The following MON2 variants were observed in gnomAD, a reference collection of about 807,000 sequenced individuals.
MON2 encodes the protein protein MON2 homolog.
In MON2, 84 loss-of-function variants were observed where a neutral mutation model predicts 208.6. The ratio of observed to expected loss-of-function variants is 0.40; its 90% CI spans 0.34 to 0.48. MON2 has a LOEUF of 0.48. MON2 is among the 20% of genes least tolerant of loss of function. MON2 has a pLI of 0.59. For missense variants in MON2, 1,611 were observed against 2,015.4 expected (o/e 0.80, Z 3.84); for synonymous variants, 660 against 694.0 (o/e 0.95, Z 0.77).
chr12:62,501,473 T>TTATA (rs1190212034), intron 6 of MON2, 100 bp from the exon 7 acceptor site: 1 of 1,383,496 alleles, frequency 7.2e-7, no homozygotes, highest in Non-Finnish European at 9.9e-7. Flanking sequence ...AAAACATGTA[T>TTATA]TATATAAGAA....
intron 30 of MON2, among the ~76,000 whole-genome samples, chr12:62,576,723 A>G (rs927066016): frequency 3.9e-5 from 6 of 151,990 alleles, no homozygotes; most frequent in South Asian, 4.1e-4. Flanking sequence ...TAAAAGCTCA[A>G]TCGATGTTTT....
At chr12:62,520,005 C>T (rs991223278) in intron 8 of MON2, among the ~76,000 whole-genome samples, 5 of 152,150 alleles carry the variant, frequency 3.3e-5, no homozygotes, top group South Asian at 4.1e-4. Context: ...TCAGTAGAGA[C>T]GGGGTTTCAC....
intron 8 of MON2, among the ~76,000 whole-genome samples, chr12:62,513,905 G>T: frequency 6.9e-6 from 1 of 145,652 alleles, no homozygotes; most frequent in South Asian, 2.2e-4. Flanking sequence ...AGCCGAGATC[G>T]CTCCACTGCA....
rs1018750082 is a variant in MON2 at position 62,597,161 on chromosome 12, T to C, written c.*4412T>C. ...TTGTTTGATAAATTTATTACTATATTGTAAGAGAGATCTTTGACCATTTTT... is the reference window on the plus strand; with the variant it reads ...TTGTTTGATAAATTTATTACTATATCGTAAGAGAGATCTTTGACCATTTTT... On this transcript the variant is annotated 3_prime_UTR_variant, in exon 35 of 35. Transcript: ENST00000393630. 5.3e-5 allele frequency: 8 copies of C among 152,244 alleles called. No homozygotes were observed. The highest frequency in any genetic ancestry group is 1.9e-4 in the African/African-American group (8 of 41,468). 9.4% of individuals were successfully genotyped at this position (152,244 alleles called of 1,614,324 possible).
Position 62,571,442 on chromosome 12 carries a change from A to T in MON2, c.4374A>T (p.Thr1458=), listed in dbSNP as rs559111582. 8.7e-6 allele frequency: 14 copies of T among 1,613,190 alleles called. No homozygotes were observed. The African/African-American group carries it at 9.3e-5, about 11-fold the overall frequency. The change falls in exon 30 of 35, where the codon ACA becomes ACT. Residue 1458 remains threonine, a synonymous_variant. Transcript: ENST00000393630. Reference sequence around the variant, plus strand: ...AGTATTCCTGCCCTTCTGAAAGCACATGGAAACTAGCAGTATCCTCTCTCC... The same window carrying T: ...AGTATTCCTGCCCTTCTGAAAGCACTTGGAAACTAGCAGTATCCTCTCTCC... The part of the protein sequence containing the change: ...SLKYSCPSES[T]WKLAVSSLLR...
At chr12:62,543,901 T>C (rs2073357933) in intron 20 of MON2, among the ~76,000 whole-genome samples, 1 of 152,078 alleles carries the variant, frequency 6.6e-6, no homozygotes, top group Non-Finnish European at 1.5e-5. Flanking sequence ...GAGCAACTGC[T>C]CCTGGCCTTG....
At position 62,526,069 on chromosome 12, in the gene MON2, C is replaced by G; in HGVS notation, c.1367C>G (p.Thr456Arg). The change falls in exon 11 of 35, where the codon ACA becomes AGA. Residue 456 changes from threonine (T) to arginine (R), a missense_variant. By Grantham distance (71) the Thr-to-Arg change is moderately conservative. Transcript: ENST00000393630. ...AGGGGAACCTGGATACCTATTCTGA[C>G]AATCACAGTTCAAGGCAGTGCTAAA... ...EYRGTWIPIL[T>R]ITVQGSAKAT... 6.2e-7 allele frequency: 1 copy of G among 1,613,836 alleles called. No individual in the cohort carries two copies. Among genetic ancestry groups the G allele is most frequent in the Non-Finnish European group, 8.5e-7 (1 of 1,179,798 alleles).
At chr12:62,523,504 A>G (rs2072174001) in intron 8 of MON2, among the ~76,000 whole-genome samples, 1 of 152,174 alleles carries the variant, frequency 6.6e-6, no homozygotes, top group Admixed American at 6.5e-5. Context: ...AGCAGTCTAA[A>G]TGATAATGTT....
Position 62,552,961 on chromosome 12 carries a change from G to A in MON2, c.2997G>A (p.Lys999=). 6.2e-7 allele frequency: 1 copy of A among 1,614,156 alleles called. No individual in the cohort carries two copies. Among genetic ancestry groups the A allele is most frequent in the Non-Finnish European group, 8.5e-7 (1 of 1,180,008 alleles). ...ATAAGGAAGAGGCAGCACAGCAAAAGCAGGCAGAAGAGAAAGGAGTTGTTT... is the reference window on the plus strand; with the variant it reads ...ATAAGGAAGAGGCAGCACAGCAAAAACAGGCAGAAGAGAAAGGAGTTGTTT... ...ELNKEEAAQQ[K]QAEEKGVVLN... The change falls in exon 24 of 35, where the codon AAG becomes AAA. Residue 999 remains lysine (K), a synonymous_variant. Transcript: ENST00000393630.
At chr12:62,584,345 T>A (rs528880550) in intron 32 of MON2, among the ~76,000 whole-genome samples, 6 of 152,246 alleles carry the variant, frequency 3.9e-5, no homozygotes, top group Admixed American at 1.3e-4. Context: ...TACTTCTCAT[T>A]GATTGTTTCT....
At position 62,560,537 on chromosome 12, in the gene MON2, A is replaced by G. The variant is rs758485088; in HGVS notation, c.3456A>G (p.Ser1152=). ...AWDVLLDHIQ[S]AALSKNNEVS... is the part of the protein sequence containing the mutation. ...ATGTTCTTCTTGACCATATACAGTCAGCAGCACTCAGCAAAAACAATGAAG... is the reference window on the plus strand; with the variant it reads ...ATGTTCTTCTTGACCATATACAGTCGGCAGCACTCAGCAAAAACAATGAAG... Residue 1152 remains serine, a synonymous_variant, in exon 26 of 35, where the codon TCA becomes TCG. Transcript: ENST00000393630. 2.5e-6 allele frequency: 4 copies of G among 1,613,762 alleles called. No individual in the cohort carries two copies. The African/African-American group carries it at 5.3e-5, about 22-fold the overall frequency.
chr12:62,477,837 T>C (rs1344542435), intron 1 of MON2, among the ~76,000 whole-genome samples: 1 of 152,236 alleles, frequency 6.6e-6, no homozygotes, highest in Non-Finnish European at 1.5e-5. Flanking sequence ...TCTCTAGAGC[T>C]ACTGAAAGAG....
chr12:62,500,800 G>T lies in MON2; in HGVS notation c.583G>T (p.Val195Leu). 2.5e-6 allele frequency: 4 copies of T among 1,591,736 alleles called. No homozygotes were observed. The highest frequency in any genetic ancestry group is 3.4e-6 in the Non-Finnish European group (4 of 1,167,602). ...GATTGCAGATATTATAGAACAACCAGTACTGGTACAAGGAAATAGTAACAG... is the reference window on the plus strand; with the variant it reads ...GATTGCAGATATTATAGAACAACCATTACTGGTACAAGGAAATAGTAACAG... Reference protein sequence around the residue: ...ERHRDIIEQPVLVQGNSNRRS... With the variant: ...ERHRDIIEQPLLVQGNSNRRS... Residue 195 changes from valine to leucine, a missense_variant, in exon 6 of 35, where the codon GTA (valine) becomes TTA (leucine). Val to Leu is a conservative substitution (Grantham distance 32). Transcript: ENST00000393630.
chr12:62,572,933 T>C (rs1361047777), intron 30 of MON2, among the ~76,000 whole-genome samples: 1 of 152,188 alleles, frequency 6.6e-6, no homozygotes, highest in Non-Finnish European at 1.5e-5. Context: ...ATGAATTAAC[T>C]GAAAAAAATT....
chr12:62,527,484 A>G (rs1344094822), intron 11 of MON2, among the ~76,000 whole-genome samples: 1 of 152,048 alleles, frequency 6.6e-6, no homozygotes, highest in Non-Finnish European at 1.5e-5. Context: ...TGCCTTGTAC[A>G]AAAGGTAATG....
At chr12:62,470,588 C>T (rs2068747682) in intron 1 of MON2, 1 of 288,322 alleles carries the variant, frequency 3.5e-6, no homozygotes, top group Non-Finnish European at 5.3e-6. Flanking sequence ...TGAAGCCTTC[C>T]ATGATCACTT....
intron 7 of MON2, among the ~76,000 whole-genome samples, chr12:62,502,056 C>A (rs573252846): frequency 4.6e-5 from 7 of 152,122 alleles, no homozygotes; most frequent in African/African-American, 1.7e-4. Flanking sequence ...CCTGTCTCTA[C>A]TAAAAATACA....
chr12:62,557,601 T>C (rs979253685), intron 25 of MON2, among the ~76,000 whole-genome samples: 2 of 152,206 alleles, frequency 1.3e-5, no homozygotes, highest in African/African-American at 4.8e-5. Context: ...TTGTACATAT[T>C]ATCTATTTTA....
At chr12:62,552,740 A>T in intron 23 of MON2, 141 bp from the exon 24 acceptor site, 2 of 613,838 alleles carry the variant, frequency 3.3e-6, no homozygotes. Context: ...GTTTTCATTG[A>T]ATCTATTCTA....
Sources: gnomAD v4.1 joint callset for allele counts (sites outside exome capture counted in the v4.1 genomes callset) on GRCh38, gnomAD v4.1.1 for gene constraint, MANE v1.5 for transcripts, NCBI Gene and HGNC (gene_info 2026-07-23, HGNC 2026-07-21) for gene names.